XRN1: variants seen among roughly 807,000 people sequenced by gnomAD.
XRN1 encodes the protein strand-exchange protein 1 homolog.
XRN1 carries 67 observed loss-of-function variants against 222.3 expected under a neutral mutation model. That is an observed-to-expected ratio of 0.30 (90% CI 0.25 to 0.37). XRN1 has a LOEUF of 0.37. Among genes scored for constraint, XRN1 ranks in the 10% least tolerant of loss-of-function variants. The probability of loss-of-function intolerance (pLI) is 1.00; values close to 1 mark genes in which losing one functional copy is unlikely to be tolerated. For synonymous variants in XRN1, 643 were observed against 652.4 expected, an observed-to-expected ratio of 0.99 and a Z score of 0.22; for missense variants, 1,707 against 2,000.2, an observed-to-expected ratio of 0.85 and a Z score of 2.80.
rs2065054212 is a variant in XRN1 at position 142,310,622 on chromosome 3, A to G, written c.*889T>C. ...AAGAAGCACTACATACCGACCAACT[A>G]TGAAGCTCTCATAAAATGTCAGGTA... On this transcript the variant is annotated 3_prime_UTR_variant, in exon 41 of 41. Transcript: ENST00000392981. The G allele has an allele frequency of 6.6e-6, 1 of 152,636 alleles. No individual in the cohort carries two copies. The allele number at this position is 152,636 out of a possible 1,614,324, so 9.5% of individuals were successfully genotyped here.
At chr3:142,385,053 T>C (rs1307147102) in intron 20 of XRN1, among the ~76,000 whole-genome samples, 1 of 152,198 alleles carries the variant, frequency 6.6e-6, no homozygotes, top group African/African-American at 2.4e-5. Flanking sequence ...GCAGCTGTTG[T>C]GGAAAACGGT....
intron 1 of XRN1, among the ~76,000 whole-genome samples, chr3:142,441,956 T>A (rs1461154378): frequency 1.3e-5 from 2 of 152,214 alleles, no homozygotes; most frequent in African/African-American, 4.8e-5. Flanking sequence ...TGAATTCGTA[T>A]ACAAAAAGTC....
chr3:142,442,133 G>C (rs1338319454), intron 1 of XRN1, among the ~76,000 whole-genome samples: 1 of 152,144 alleles, frequency 6.6e-6, no homozygotes, highest in African/African-American at 2.4e-5. Context: ...TATATATACA[G>C]ACTCTAAATA....
At chr3:142,376,050 T>C in intron 24 of XRN1, 106 bp from the exon 25 acceptor site, 1 of 1,401,796 alleles carries the variant, frequency 7.1e-7, no homozygotes, top group Non-Finnish European at 9.3e-7. Context: ...TTTCAATTCT[T>C]AGAAAAGCTC....
chr3:142,339,489 G>A (rs1435134368), intron 33 of XRN1, among the ~76,000 whole-genome samples: 6 of 152,152 alleles, frequency 3.9e-5, no homozygotes, highest in Non-Finnish European at 7.3e-5. Context: ...TGAAGACTAC[G>A]AGATGTATCT....
At chr3:142,318,747 G>T (rs1225429913) in intron 38 of XRN1, 43 bp downstream of exon 38, 1 of 1,608,934 alleles carries the variant, frequency 6.2e-7, no homozygotes, top group Non-Finnish European at 8.5e-7. Context: ...TTTCTATAGG[G>T]ACTAATAAAA....
chr3:142,334,468 G>T (rs2065792137), intron 34 of XRN1, among the ~76,000 whole-genome samples: 1 of 151,718 alleles, frequency 6.6e-6, no homozygotes, highest in African/African-American at 2.4e-5. Flanking sequence ...TCAAAGATTT[G>T]TTATTCTTTC....
At chr3:142,380,045 C>A (rs778673062) in intron 23 of XRN1, 37 bp downstream of exon 23, 13 of 1,519,032 alleles carry the variant, frequency 8.6e-6, no homozygotes, top group East Asian at 2.3e-5. Context: ...AAAAGTTTAT[C>A]AATTCTAAAT....
intron 39 of XRN1, among the ~76,000 whole-genome samples, chr3:142,314,904 C>CA (rs776430519): frequency 0.34 from 7,583 of 22,174 alleles, 1,997 homozygotes; most frequent in Non-Finnish European, 0.45. Context: ...GACTCTGTCT[C>CA]AAAAAAAAAA....
At chr3:142,383,837 T>C (rs997618042) in intron 21 of XRN1, among the ~76,000 whole-genome samples, 5 of 152,010 alleles carry the variant, frequency 3.3e-5, no homozygotes, top group African/African-American at 1.2e-4. Context: ...TCTTATCGTA[T>C]CTAAGATTAT....
At chr3:142,324,843 C>G (rs992032639) in intron 37 of XRN1, among the ~76,000 whole-genome samples, 24 of 152,142 alleles carry the variant, frequency 1.6e-4, no homozygotes, top group African/African-American at 5.8e-4. Flanking sequence ...TCTCTGATGG[C>G]CAGTGATGAT....
chr3:142,329,304 TA>T (rs2065623593), intron 37 of XRN1, 129 bp downstream of exon 37: 2 of 576,924 alleles, frequency 3.5e-6, no homozygotes, highest in East Asian at 7.4e-5. Flanking sequence ...GTAAGAAGCA[TA>T]AATCTATGCT....
At chr3:142,366,749 G>A (rs752490398) in intron 27 of XRN1, among the ~76,000 whole-genome samples, 2 of 152,150 alleles carry the variant, frequency 1.3e-5, no homozygotes, top group African/African-American at 4.8e-5. Context: ...ACTATGAAGA[G>A]ATTTAAGGGA....
Position 142,335,902 on chromosome 3 carries a change from G to A in XRN1, c.3878-393C>T, listed in dbSNP as rs182593883. On this transcript the variant is annotated intron_variant, in intron 33 of 40. Transcript: ENST00000392981. ...TAATCTGCAAGTCACTGAAGACTAC[G>A]GTATTATATTAAGTTGGTAGGAAAT... is the stretch of plus-strand genomic sequence containing the variant. 1.8e-3 allele frequency among the ~76,000 whole-genome samples: 269 copies of A among 152,244 alleles called. 2 individuals are homozygous for A. Among genetic ancestry groups the A allele is most frequent in the African/African-American group, 6.1e-3 (253 of 41,546 alleles).
chr3:142,411,714 T>C lies in XRN1; in HGVS notation c.1713+830A>G, dbSNP rs549126506. 1.6e-3 allele frequency among the ~76,000 whole-genome samples: 244 copies of C among 152,308 alleles called. 1 individual carries two copies. Among genetic ancestry groups the C allele is most frequent in the African/African-American group, 5.8e-3 (241 of 41,580 alleles). Reference sequence around the variant, plus strand: ...TCATAGGCTATTTAGAAGTGTGCTATTTAGTTTCAAAATGTATGGGGATCC... The same window carrying C: ...TCATAGGCTATTTAGAAGTGTGCTACTTAGTTTCAAAATGTATGGGGATCC... On this transcript the variant is annotated intron_variant, in intron 15 of 40. Transcript: ENST00000392981.
chr3:142,332,879 G>C, intron 35 of XRN1, 88 bp downstream of exon 35: 2 of 1,500,670 alleles, frequency 1.3e-6, no homozygotes, highest in African/African-American at 2.8e-5. Context: ...CTCCATGATG[G>C]AAGTGTTTGA....
chr3:142,334,756 A>G (rs1045978646), intron 34 of XRN1, among the ~76,000 whole-genome samples: 10 of 136,936 alleles, frequency 7.3e-5, no homozygotes, highest in African/African-American at 2.4e-4. Context: ...GTGTATATAT[A>G]TGTCTATGTA....
chr3:142,364,060 C>T (rs968881669), intron 29 of XRN1, among the ~76,000 whole-genome samples: 7 of 152,232 alleles, frequency 4.6e-5, no homozygotes, highest in African/African-American at 1.7e-4. Context: ...AATCCCAGCT[C>T]TGCCACTTAT....
intron 39 of XRN1, 123 bp from the exon 40 acceptor site, chr3:142,312,881 C>T (rs2065114807): frequency 2.0e-6 from 2 of 1,008,054 alleles, no homozygotes; most frequent in South Asian, 3.4e-5. Context: ...AAGGCCTACA[C>T]TTACTTCACC....
Sources: allele counts gnomAD v4.1 joint callset (sites outside exome capture counted in the v4.1 genomes callset), GRCh38; gene constraint gnomAD v4.1.1; transcripts MANE v1.5; gene names NCBI Gene and HGNC (gene_info 2026-07-23, HGNC 2026-07-21).